Variants in TSPAN18 observed in about 807,000 individuals in gnomAD.
TSPAN18 encodes tetraspanin-18.
Under a neutral mutation model 27.3 loss-of-function variants are expected in TSPAN18, and 14 were observed. That is an observed-to-expected ratio of 0.51 (90% confidence interval 0.34 to 0.80). TSPAN18 has a LOEUF of 0.80. TSPAN18 is among the 30% of genes least tolerant of loss of function. The pLI, the probability that TSPAN18 is intolerant of heterozygous loss-of-function variation, is 0.01. For synonymous variants in TSPAN18, 143 were observed against 136.5 expected (o/e 1.05, Z -0.33); for missense variants, 268 against 323.9 (o/e 0.83, Z 1.32).
intron 2 of TSPAN18, among the ~76,000 whole-genome samples, chr11:44,841,732 G>A (rs191305915): frequency 1.3e-5 from 2 of 152,286 alleles, no homozygotes; most frequent in Non-Finnish European, 2.9e-5. Context: ...CCTGGGACAG[G>A]AATAGATTTG....
intron 2 of TSPAN18, among the ~76,000 whole-genome samples, chr11:44,783,761 A>C (rs1565147273): frequency 6.6e-6 from 1 of 152,094 alleles, no homozygotes; most frequent in Non-Finnish European, 1.5e-5. Flanking sequence ...TGGTCCTACA[A>C]ATCCCGCCCC....
chr11:44,899,269 C>G (rs10838383), intron 3 of TSPAN18, among the ~76,000 whole-genome samples: 11,675 of 152,310 alleles, frequency 0.077, 865 homozygotes, highest in African/African-American at 0.19. Flanking sequence ...GTCATACAGA[C>G]ATGGTGGCCA....
At chr11:44,864,853 G>A (rs1857993013) in intron 3 of TSPAN18, among the ~76,000 whole-genome samples, 1 of 152,186 alleles carries the variant, frequency 6.6e-6, no homozygotes, top group African/African-American at 2.4e-5. Flanking sequence ...AGGTGCTGGG[G>A]GTCCAGTCTG....
At chr11:44,843,557 C>T (rs1236988956) in intron 2 of TSPAN18, among the ~76,000 whole-genome samples, 1 of 152,106 alleles carries the variant, frequency 6.6e-6, no homozygotes, top group Non-Finnish European at 1.5e-5. Context: ...ACCGGTCTGA[C>T]CAAAATTTAT....
intron 3 of TSPAN18, among the ~76,000 whole-genome samples, chr11:44,887,053 A>G (rs773989964): frequency 2.5e-4 from 38 of 152,226 alleles, no homozygotes; most frequent in Non-Finnish European, 3.2e-4. Context: ...GAGGACTTGG[A>G]CAAAGTACCA....
chr11:44,796,261 C>T (rs959508992), intron 2 of TSPAN18, among the ~76,000 whole-genome samples: 3 of 152,144 alleles, frequency 2.0e-5, no homozygotes, highest in African/African-American at 4.8e-5. Flanking sequence ...CACTGGCAAG[C>T]GACCTGAGGT....
intron 2 of TSPAN18, among the ~76,000 whole-genome samples, chr11:44,817,096 G>T (rs1856832045): frequency 6.6e-6 from 1 of 152,204 alleles, no homozygotes; most frequent in African/African-American, 2.4e-5. Flanking sequence ...TTGGGGGCCT[G>T]CTTAGCTTCC....
chr11:44,790,037 C>T (rs1856154984), intron 2 of TSPAN18, among the ~76,000 whole-genome samples: 2 of 152,202 alleles, frequency 1.3e-5, no homozygotes, highest in Non-Finnish European at 2.9e-5. Context: ...TCATACTGTC[C>T]CTGAGTCTGA....
At chr11:44,816,892 G>A (rs969991312) in intron 2 of TSPAN18, among the ~76,000 whole-genome samples, 1 of 152,058 alleles carries the variant, frequency 6.6e-6, no homozygotes, top group Admixed American at 6.5e-5. Flanking sequence ...TTGCACTTCT[G>A]TTCTGTCCCT....
intron 1 of TSPAN18, among the ~76,000 whole-genome samples, chr11:44,744,065 T>A (rs930987203): frequency 6.6e-6 from 1 of 152,196 alleles, no homozygotes; most frequent in African/African-American, 2.4e-5. Flanking sequence ...TGGTTTTCAT[T>A]TGCAGCAAAA....
At chr11:44,874,320 C>G (rs930915953) in intron 3 of TSPAN18, among the ~76,000 whole-genome samples, 2 of 152,184 alleles carry the variant, frequency 1.3e-5, no homozygotes, top group African/African-American at 4.8e-5. Context: ...GAGGGCCCAT[C>G]TGGCCCCATA....
At chr11:44,743,541 G>A (rs910048507) in intron 1 of TSPAN18, among the ~76,000 whole-genome samples, 4 of 152,202 alleles carry the variant, frequency 2.6e-5, no homozygotes, top group South Asian at 2.1e-4. Flanking sequence ...CGAGAATGGC[G>A]CTGGTGGGGC....
intron 2 of TSPAN18, among the ~76,000 whole-genome samples, chr11:44,811,305 C>T (rs184246557): frequency 6.6e-6 from 1 of 152,240 alleles, no homozygotes; most frequent in Non-Finnish European, 1.5e-5. Context: ...TGTTTTTTAA[C>T]TGCCTTCATT....
chr11:44,732,914 T>C (rs1020549450), intron 1 of TSPAN18, among the ~76,000 whole-genome samples: 1 of 152,234 alleles, frequency 6.6e-6, no homozygotes, highest in Non-Finnish European at 1.5e-5. Flanking sequence ...TATGGGTCTC[T>C]GTTCCACACG....
rs1191388545 is a variant in TSPAN18, at chr11:44,778,030, G to A, written c.-153+13518G>A. Among the ~76,000 whole-genome samples the A allele has an allele frequency of 2.0e-5, 3 of 152,140 alleles. No individual in the cohort carries two copies. In the East Asian group the frequency reaches 5.8e-4, roughly 29 times the overall value. Reference sequence around the variant, plus strand: ...TAGAGCACAGGAGAACCCTTGGAGAGGTTGAGCAGATGGGAATTATGCTCC... The same window carrying A: ...TAGAGCACAGGAGAACCCTTGGAGAAGTTGAGCAGATGGGAATTATGCTCC... On this transcript the variant is annotated intron_variant, in intron 2 of 9. Transcript: ENST00000520358.
At chr11:44,735,861 C>T (rs1854780458) in intron 1 of TSPAN18, among the ~76,000 whole-genome samples, 1 of 152,142 alleles carries the variant, frequency 6.6e-6, no homozygotes, top group African/African-American at 2.4e-5. Flanking sequence ...TCATGATCTG[C>T]CCGCCTCGGC....
intron 4 of TSPAN18, among the ~76,000 whole-genome samples, chr11:44,907,853 G>A (rs1252072806): frequency 6.6e-6 from 1 of 152,090 alleles, no homozygotes; most frequent in Non-Finnish European, 1.5e-5. Flanking sequence ...TCAGGAGTTC[G>A]AGACCAACCT....
chr11:44,769,624 T>C (rs1855646547), intron 2 of TSPAN18, among the ~76,000 whole-genome samples: 2 of 152,210 alleles, frequency 1.3e-5, no homozygotes, highest in South Asian at 2.1e-4. Context: ...TGTGTCTTTC[T>C]AGGAATTGGT....
intron 2 of TSPAN18, among the ~76,000 whole-genome samples, chr11:44,796,111 A>G (rs73450666): frequency 0.055 from 8,367 of 152,234 alleles, 279 homozygotes; most frequent in African/African-American, 0.099. Flanking sequence ...CGCTTTGCCC[A>G]CATCTGCTTT....
Sources: allele counts gnomAD v4.1 joint callset (sites outside exome capture counted in the v4.1 genomes callset), GRCh38; gene constraint gnomAD v4.1.1; transcripts MANE v1.5; gene names NCBI Gene and HGNC (gene_info 2026-07-23, HGNC 2026-07-21).